Variants in ADGRL3 observed in about 807,000 individuals in gnomAD.
ADGRL3 encodes adhesion G protein-coupled receptor L3, also known as calcium-independent alpha-latrotoxin receptor 3.
Under a neutral mutation model 153.5 loss-of-function variants are expected in ADGRL3, and 62 were observed. The ratio of observed to expected loss-of-function variants is 0.40; its 90% CI spans 0.33 to 0.50. ADGRL3 has a LOEUF of 0.50. Among genes scored for constraint, ADGRL3 ranks in the 20% least tolerant of loss-of-function variants. The pLI is 0.47. For synonymous variants in ADGRL3, 710 were observed against 672.5 expected (o/e 1.06, Z -0.86); for missense variants, 1,641 against 1,859.4 (o/e 0.88, Z 2.16).
intron 21 of ADGRL3, among the ~76,000 whole-genome samples, chr4:62,021,131 C>CT (rs1424257777): frequency 6.6e-6 from 1 of 151,762 alleles, no homozygotes; most frequent in South Asian, 2.1e-4. Context: ...CCTACAACCC[C>CT]TTTTTTGAGG....
At chr4:61,558,954 G>A (rs2148938039) in intron 4 of ADGRL3, among the ~76,000 whole-genome samples, 1 of 152,000 alleles carries the variant, frequency 6.6e-6, no homozygotes, top group Non-Finnish European at 1.5e-5. Flanking sequence ...TTGGTAAATA[G>A]GGGATCATAA....
chr4:61,644,819 A>C (rs1267555884), intron 5 of ADGRL3, among the ~76,000 whole-genome samples: 1 of 152,124 alleles, frequency 6.6e-6, no homozygotes, highest in Non-Finnish European at 1.5e-5. Flanking sequence ...TATAGAGCTG[A>C]GTTCAATTCC....
chr4:61,958,175 G>A (rs2098974571), intron 17 of ADGRL3, among the ~76,000 whole-genome samples: 1 of 152,148 alleles, frequency 6.6e-6, no homozygotes, highest in African/African-American at 2.4e-5. Context: ...ATTAGGGAAT[G>A]TCTTTTCTTC....
chr4:61,440,075 G>A (rs967597241), intron 2 of ADGRL3, among the ~76,000 whole-genome samples: 2 of 151,826 alleles, frequency 1.3e-5, no homozygotes, highest in East Asian at 3.9e-4. Flanking sequence ...TTGAGACAGA[G>A]TCTTACTCTG....
At chr4:61,957,685 A>T (rs983748882) in intron 17 of ADGRL3, among the ~76,000 whole-genome samples, 2 of 147,014 alleles carry the variant, frequency 1.4e-5, no homozygotes, top group African/African-American at 5.0e-5. Flanking sequence ...AACTAAATTA[A>T]TTTTTTTTTT....
At chr4:61,907,708 G>A (rs1581406878) in intron 11 of ADGRL3, among the ~76,000 whole-genome samples, 2 of 151,850 alleles carry the variant, frequency 1.3e-5, no homozygotes, top group African/African-American at 2.4e-5. Flanking sequence ...AAGGGTTTGT[G>A]ATAAAGCATT....
At chr4:61,250,024 A>G (rs998715234) in intron 1 of ADGRL3, among the ~76,000 whole-genome samples, 1 of 152,162 alleles carries the variant, frequency 6.6e-6, no homozygotes, top group African/African-American at 2.4e-5. Flanking sequence ...CGGGACTAAT[A>G]TGTGCTTTGT....
chr4:61,668,807 C>A (rs1245445097), intron 5 of ADGRL3, among the ~76,000 whole-genome samples: 1 of 152,066 alleles, frequency 6.6e-6, no homozygotes, highest in Non-Finnish European at 1.5e-5. Flanking sequence ...TGCTTGAGCC[C>A]AGGAGTTTGA....
chr4:61,869,852 C>T (rs1367712354), intron 9 of ADGRL3, among the ~76,000 whole-genome samples: 7 of 146,682 alleles, frequency 4.8e-5, no homozygotes, highest in African/African-American at 7.6e-5. Flanking sequence ...ACAGGAGGAT[C>T]GCTTGAATCC....
At chr4:61,460,888 G>A (rs1257150075) in intron 2 of ADGRL3, among the ~76,000 whole-genome samples, 1 of 152,062 alleles carries the variant, frequency 6.6e-6, no homozygotes, top group Non-Finnish European at 1.5e-5. Context: ...GGCCAACAAT[G>A]GTGAAACCCT....
intron 13 of ADGRL3, among the ~76,000 whole-genome samples, chr4:61,931,205 A>G (rs1220555713): frequency 1.3e-5 from 2 of 152,158 alleles, no homozygotes; most frequent in Non-Finnish European, 2.9e-5. Context: ...TTACTCTCCA[A>G]TTCCTCAAAG....
chr4:61,502,965 A>C (rs2098402066), intron 3 of ADGRL3, among the ~76,000 whole-genome samples: 1 of 152,188 alleles, frequency 6.6e-6, no homozygotes, highest in African/African-American at 2.4e-5. Context: ...TTTATAGTCA[A>C]ATACATTATA....
intron 9 of ADGRL3, among the ~76,000 whole-genome samples, chr4:61,824,497 T>A (rs1475102227): frequency 6.6e-6 from 1 of 152,196 alleles, no homozygotes; most frequent in Non-Finnish European, 1.5e-5. Flanking sequence ...CCAAAATGGT[T>A]AATGTTTATG....
intron 2 of ADGRL3, among the ~76,000 whole-genome samples, chr4:61,486,240 G>C (rs763829669): frequency 1.3e-5 from 2 of 152,092 alleles, no homozygotes; most frequent in Admixed American, 1.3e-4. Context: ...CACCATACCC[G>C]GCTATGGAAT....
intron 1 of ADGRL3, among the ~76,000 whole-genome samples, chr4:61,261,955 T>A (rs1432677748): frequency 1.3e-5 from 2 of 152,064 alleles, no homozygotes; most frequent in Admixed American, 6.6e-5. Flanking sequence ...GGGTTAGAGC[T>A]TAGACTTCAA....
chr4:61,286,829 A>G (rs540616815), intron 1 of ADGRL3, among the ~76,000 whole-genome samples: 2 of 151,944 alleles, frequency 1.3e-5, no homozygotes, highest in South Asian at 2.1e-4. Flanking sequence ...CTTGGGAATC[A>G]TCTTTCTTTA....
chr4:61,434,325 T>C (rs1193839635), intron 2 of ADGRL3, among the ~76,000 whole-genome samples: 3 of 152,070 alleles, frequency 2.0e-5, no homozygotes, highest in African/African-American at 4.8e-5. Context: ...ATTATTGAGG[T>C]AAGTTTAAAT....
At chr4:61,444,511 T>G (rs769271716) in intron 2 of ADGRL3, among the ~76,000 whole-genome samples, 4 of 152,148 alleles carry the variant, frequency 2.6e-5, no homozygotes, top group Non-Finnish European at 4.4e-5. Context: ...CTGACAACTT[T>G]TGATGCACCA....
intron 5 of ADGRL3, among the ~76,000 whole-genome samples, chr4:61,596,711 A>T (rs1486052781): frequency 1.3e-5 from 2 of 152,128 alleles, no homozygotes; most frequent in Admixed American, 1.3e-4. Flanking sequence ...TTAAATAAGT[A>T]GCTGGATGTG....
Sources: allele counts gnomAD v4.1 joint callset (sites outside exome capture counted in the v4.1 genomes callset), GRCh38; gene constraint gnomAD v4.1.1; transcripts MANE v1.5; gene names NCBI Gene and HGNC (gene_info 2026-07-23, HGNC 2026-07-21).